The following SDHC variants were observed in gnomAD, a reference collection of about 807,000 sequenced individuals.
SDHC encodes succinate dehydrogenase cytochrome b560 subunit, mitochondrial.
Under a neutral mutation model 22.6 loss-of-function variants are expected in SDHC, and 11 were observed. That is an observed-to-expected ratio of 0.49 (90% CI 0.31 to 0.81). The LOEUF is 0.81. Ranked by LOEUF, SDHC falls within the 30% of genes least tolerant of loss-of-function variation. The pLI is 0.05. For synonymous variants in SDHC, 80 were observed against 77.8 expected (o/e 1.03, Z -0.15); for missense variants, 160 against 212.0 (o/e 0.75, Z 1.52).
chr1:161,355,082 C>T (rs61653684), intron 4 of SDHC, among the ~76,000 whole-genome samples: 17,839 of 152,156 alleles, frequency 0.12, 1,418 homozygotes, highest in African/African-American at 0.22. Flanking sequence ...TGGTCGATAG[C>T]CACTGAGCTC....
intron 1 of SDHC, among the ~76,000 whole-genome samples, chr1:161,321,469 A>G (rs1670834568): frequency 6.6e-6 from 1 of 152,228 alleles, no homozygotes; most frequent in African/African-American, 2.4e-5. Flanking sequence ...CATAGATTCC[A>G]ACCCACATCT....
At chr1:161,342,913 G>A (rs1304095353) in intron 4 of SDHC, among the ~76,000 whole-genome samples, 9 of 152,160 alleles carry the variant, frequency 5.9e-5, no homozygotes, top group African/African-American at 2.2e-4. Context: ...GTAAAGCTCT[G>A]TCTGAGCCCC....
At chr1:161,348,464 T>C (rs921776454) in intron 4 of SDHC, among the ~76,000 whole-genome samples, 1 of 151,398 alleles carries the variant, frequency 6.6e-6, no homozygotes, top group East Asian at 1.9e-4. Flanking sequence ...TGGCCTGCAA[T>C]GTTTTGAAAG....
At chr1:161,351,964 C>T (rs61461118) in intron 4 of SDHC, among the ~76,000 whole-genome samples, 17,839 of 152,116 alleles carry the variant, frequency 0.12, 1,424 homozygotes, top group African/African-American at 0.22. Context: ...GCTGACAGTC[C>T]GCACAGTTAC....
At chr1:161,326,547 CTCTTT>C (rs1558166151) in intron 2 of SDHC, 1 of 94,790 alleles carries the variant, frequency 1.1e-5, no homozygotes, top group African/African-American at 6.0e-5. Flanking sequence ...CTCTTTCTCT[CTCTTT>C]TTTTTTTTAA....
At chr1:161,347,723 G>C (rs374234824) in intron 4 of SDHC, among the ~76,000 whole-genome samples, 1 of 151,954 alleles carries the variant, frequency 6.6e-6, no homozygotes, top group Non-Finnish European at 1.5e-5. Context: ...AAAATTAGCT[G>C]GGCATGGTGG....
intron 3 of SDHC, chr1:161,339,634 A>ATT: frequency 2.5e-6 from 1 of 396,526 alleles, no homozygotes; most frequent in Non-Finnish European, 3.4e-6. Flanking sequence ...TCTTTAATTT[A>ATT]TTTTTGTAAC....
intron 4 of SDHC, among the ~76,000 whole-genome samples, chr1:161,353,300 C>T (rs1352642691): frequency 2.0e-5 from 3 of 151,990 alleles, no homozygotes; most frequent in Non-Finnish European, 4.4e-5. Flanking sequence ...GCCTGTTGTC[C>T]TATTTGATGC....
intron 3 of SDHC, among the ~76,000 whole-genome samples, chr1:161,330,694 T>C (rs146302931): frequency 5.3e-4 from 81 of 152,280 alleles, no homozygotes; most frequent in African/African-American, 1.9e-3. Flanking sequence ...TCTGTTGGTA[T>C]AACATTCTTA....
chr1:161,349,238 G>A (rs962357948), intron 4 of SDHC, among the ~76,000 whole-genome samples: 2 of 152,130 alleles, frequency 1.3e-5, no homozygotes, highest in African/African-American at 4.8e-5. Context: ...CAAGGCAGGT[G>A]GATTGCTTAA....
chr1:161,361,074 C>G (rs1031999361), intron 5 of SDHC, among the ~76,000 whole-genome samples: 2 of 152,070 alleles, frequency 1.3e-5, no homozygotes, highest in Non-Finnish European at 2.9e-5. Flanking sequence ...GATGGCGCCA[C>G]TGGAGTGGCT....
intron 1 of SDHC, 132 bp downstream of exon 1, chr1:161,314,557 C>T: frequency 9.2e-7 from 1 of 1,086,788 alleles, no homozygotes; most frequent in Non-Finnish European, 1.4e-6. Flanking sequence ...AGGCCAAGCG[C>T]TCGGGGATCC....
chr1:161,341,093 G>C lies in SDHC; in HGVS notation c.241+438G>C, dbSNP rs540304427. The stretch of plus-strand genomic sequence containing the variant: ...CTGACCTCATGATCCGCCTGCCTCA[G>C]CCTTCCAAAGTGCTGGGATTACAGA... On this transcript the variant is annotated intron_variant, in intron 4 of 5. Coordinates refer to ENST00000367975, the MANE Select transcript of SDHC (RefSeq NM_003001.5). Among the ~76,000 whole-genome samples the C allele has an allele frequency of 3.3e-5, 5 of 152,298 alleles. No individual in the cohort carries two copies. In the South Asian group the frequency reaches 8.3e-4, roughly 25 times the overall value.
intron 5 of SDHC, among the ~76,000 whole-genome samples, chr1:161,361,133 CA>C (rs1158440087): frequency 6.6e-6 from 1 of 152,062 alleles, no homozygotes. Context: ...GAAGCAGAGG[CA>C]GGAGGATAGC....
chr1:161,346,928 A>G (rs1671919715), intron 4 of SDHC, among the ~76,000 whole-genome samples: 2 of 152,336 alleles, frequency 1.3e-5, no homozygotes, highest in Non-Finnish European at 2.9e-5. Flanking sequence ...TGTAAACGCT[A>G]TGTAAATAGT....
At chr1:161,359,097 A>C (rs1261123947) in intron 5 of SDHC, among the ~76,000 whole-genome samples, 1 of 143,574 alleles carries the variant, frequency 7.0e-6, no homozygotes, top group African/African-American at 2.5e-5. Context: ...ACTCAGTCTC[A>C]AAAAAAAAAA....
At chr1:161,323,119 C>T (rs1670900012) in intron 1 of SDHC, among the ~76,000 whole-genome samples, 2 of 152,144 alleles carry the variant, frequency 1.3e-5, no homozygotes, top group African/African-American at 2.4e-5. Context: ...TCGCCTCAGC[C>T]TCCTGAGTAG....
At chr1:161,343,076 TGCTC>T (rs1440525629) in intron 4 of SDHC, among the ~76,000 whole-genome samples, 1 of 152,240 alleles carries the variant, frequency 6.6e-6, no homozygotes, top group Admixed American at 6.5e-5. Flanking sequence ...AGTGTGCTCT[TGCTC>T]CAGAAATTTG....
At chr1:161,336,873 G>A (rs1411549533) in intron 3 of SDHC, among the ~76,000 whole-genome samples, 3 of 151,096 alleles carry the variant, frequency 2.0e-5, no homozygotes, top group Non-Finnish European at 4.4e-5. Context: ...TTTTTTTATT[G>A]TTTTTTTTGC....
Sources: gnomAD v4.1 joint callset for allele counts (sites outside exome capture counted in the v4.1 genomes callset) on GRCh38, gnomAD v4.1.1 for gene constraint, MANE v1.5 for transcripts, NCBI Gene and HGNC (gene_info 2026-07-23, HGNC 2026-07-21) for gene names.